The following RUFY2 variants were observed in gnomAD, a reference collection of about 807,000 sequenced individuals.
RUFY2 encodes RUN and FYVE domain-containing protein 2.
In RUFY2, 49 loss-of-function variants were observed where a neutral mutation model predicts 94.4. The ratio of observed to expected loss-of-function variants is 0.52; its 90% CI spans 0.41 to 0.66. RUFY2 has a LOEUF of 0.66. Among genes scored for constraint, RUFY2 ranks in the 30% least tolerant of loss-of-function variants. RUFY2 has a pLI of 0.00. For missense variants in RUFY2, 541 were observed against 692.8 expected, an observed-to-expected ratio of 0.78 and a Z score of 2.46; for synonymous variants, 255 against 235.7, an observed-to-expected ratio of 1.08 and a Z score of -0.75.
chr10:68,372,065 G>A (rs1245128040), intron 13 of RUFY2, among the ~76,000 whole-genome samples: 2 of 152,118 alleles, frequency 1.3e-5, no homozygotes, highest in Non-Finnish European at 2.9e-5. Flanking sequence ...TTTATTTGAG[G>A]CCAGGCATTC....
chr10:68,365,809 C>T (rs1011357561), intron 13 of RUFY2, among the ~76,000 whole-genome samples: 4 of 151,938 alleles, frequency 2.6e-5, no homozygotes, highest in Admixed American at 6.6e-5. Flanking sequence ...ACCGTTGATG[C>T]CATTAAGTGA....
At chr10:68,351,423 A>G (rs796202267) in intron 16 of RUFY2, among the ~76,000 whole-genome samples, 1 of 146,104 alleles carries the variant, frequency 6.8e-6, no homozygotes, top group Non-Finnish European at 1.5e-5. Flanking sequence ...GGCGTGAGCC[A>G]CCACGCCCAA....
chr10:68,345,593 C>A lies in RUFY2; in HGVS notation c.*175G>T. ...TCTGTTGAAAATACATTTTGAAAAA[C>A]AATGGGGAAGGAAATATATAACTTG... On this transcript the variant is annotated 3_prime_UTR_variant, in exon 18 of 18. Coordinates refer to ENST00000602465, the MANE Select transcript of RUFY2 (RefSeq NM_001330103.2). 1 of 530,950 alleles carries A rather than the reference C, an allele frequency of 1.9e-6. No individual in the cohort carries two copies. Among genetic ancestry groups the A allele is most frequent in the Non-Finnish European group, 3.2e-6 (1 of 308,924 alleles). 32.9% of individuals were successfully genotyped at this position (530,950 alleles called of 1,614,324 possible).
At chr10:68,380,097 C>T (rs868775338) in intron 11 of RUFY2, among the ~76,000 whole-genome samples, 4 of 151,192 alleles carry the variant, frequency 2.6e-5, no homozygotes, top group Middle Eastern at 3.5e-3. Context: ...CATGAGCCAC[C>T]GCACACGGCC....
chr10:68,353,330 C>T (rs982021172), intron 16 of RUFY2, among the ~76,000 whole-genome samples: 4 of 132,624 alleles, frequency 3.0e-5, no homozygotes, highest in East Asian at 4.1e-4. Context: ...GACCCTGTCT[C>T]GAAAAAAAAA....
At chr10:68,358,183 T>C (rs140045894) in intron 15 of RUFY2, among the ~76,000 whole-genome samples, 2 of 152,138 alleles carry the variant, frequency 1.3e-5, no homozygotes, top group East Asian at 3.9e-4. Flanking sequence ...GCGAGACTCT[T>C]ATCTCCAAAA....
intron 13 of RUFY2, among the ~76,000 whole-genome samples, chr10:68,373,830 T>C (rs2048433371): frequency 6.6e-6 from 1 of 152,010 alleles, no homozygotes; most frequent in Admixed American, 6.6e-5. Flanking sequence ...TAAGAAACTT[T>C]CGGCTGGGAG....
At chr10:68,372,310 G>A (rs1204815510) in intron 13 of RUFY2, among the ~76,000 whole-genome samples, 1 of 152,074 alleles carries the variant, frequency 6.6e-6, no homozygotes, top group South Asian at 2.1e-4. Flanking sequence ...TGAGGTGAGA[G>A]GATCCCTTGA....
intron 11 of RUFY2, among the ~76,000 whole-genome samples, chr10:68,380,005 T>C (rs1003885406): frequency 1.3e-5 from 2 of 152,130 alleles, no homozygotes; most frequent in Non-Finnish European, 2.9e-5. Context: ...AGACAGGGTT[T>C]CACTGTGTTA....
chr10:68,391,543 G>C (rs2049984959), intron 7 of RUFY2, among the ~76,000 whole-genome samples: 1 of 151,216 alleles, frequency 6.6e-6, no homozygotes, highest in Non-Finnish European at 1.5e-5. Flanking sequence ...AGCTACTTGG[G>C]AGACTGAGGC....
intron 2 of RUFY2, among the ~76,000 whole-genome samples, chr10:68,404,175 A>G (rs911913750): frequency 6.6e-6 from 1 of 152,236 alleles, no homozygotes; most frequent in Non-Finnish European, 1.5e-5. Flanking sequence ...TTCAATATGT[A>G]CTGAGAGTGG....
intron 12 of RUFY2, chr10:68,377,204 A>C: frequency 7.3e-7 from 1 of 1,365,454 alleles, no homozygotes; most frequent in Non-Finnish European, 9.4e-7. Context: ...ACTATCTTCA[A>C]ATTTGTTTTA....
chr10:68,355,406 A>G lies in RUFY2; in HGVS notation c.1551-5T>C. 1.3e-6 allele frequency: 2 copies of G among 1,590,710 alleles called. No homozygotes were observed. The highest frequency in any genetic ancestry group is 8.6e-7 in the Non-Finnish European group (1 of 1,159,356). The stretch of plus-strand genomic sequence containing the variant: ...TCTTCAATTTTAAGTTTTGATCTAA[A>G]AAGATTACAAATAGGTCCAAATTTC... On this transcript the variant is annotated splice_polypyrimidine_tract_variant and splice_region_variant and intron_variant, in intron 15 of 17. Coordinates refer to ENST00000602465, the MANE Select transcript of RUFY2 (RefSeq NM_001330103.2).
At chr10:68,361,542 G>A (rs2047464587) in intron 15 of RUFY2, among the ~76,000 whole-genome samples, 1 of 152,192 alleles carries the variant, frequency 6.6e-6, no homozygotes, top group African/African-American at 2.4e-5. Flanking sequence ...GGCTCAAAGT[G>A]CTCAATAAAT....
At position 68,343,808 on chromosome 10, in the gene RUFY2, T is replaced by TAAAAAAA. The variant is rs755419558; in HGVS notation, c.*1953_*1959dup. ...GCAAGTTGCTGTCATAAAAGCTGCC[T>TAAAAAAA]AAAAAAAAAAAAAAAAAAAAAAAAA... On this transcript the variant is annotated 3_prime_UTR_variant, in exon 18 of 18. Transcript: ENST00000602465. 2.6e-5 allele frequency: 3 copies of TAAAAAAA among 115,678 alleles called. No homozygotes were observed. The highest frequency in any genetic ancestry group is 1.2e-4 in the African/African-American group (3 of 25,392). 7.2% of individuals were successfully genotyped at this position (115,678 alleles called of 1,614,324 possible). A position where few individuals can be genotyped will look rare whatever the true frequency, so the allele number is the denominator to read the frequency against.
Position 68,394,370 on chromosome 10 carries a change from G to A in RUFY2, c.480C>T (p.Ile160=), listed in dbSNP as rs746695037. 5.6e-6 allele frequency: 9 copies of A among 1,613,340 alleles called. No homozygotes were observed. The highest frequency in any genetic ancestry group is 4.5e-5 in the East Asian group (2 of 44,860). Residue 160 remains isoleucine (I), a synonymous_variant, in exon 5 of 18, where the codon ATC becomes ATT. Coordinates refer to ENST00000602465, the MANE Select transcript of RUFY2 (RefSeq NM_001330103.2). The stretch of plus-strand genomic sequence containing the variant: ...CTCCCTTCACACACAGATTAGCATC[G>A]ATCACATTCAGGCCAACCAGCAGCC... The part of the protein sequence containing the change: ...IVGLLVGLNV[I]DANLCVKGED...
chr10:68,379,571 TTGTGTGTGTG>T (rs373005572), intron 11 of RUFY2, 50 bp from the exon 12 acceptor site: 2 of 1,208,344 alleles, frequency 1.7e-6, no homozygotes, highest in East Asian at 2.4e-5. Context: ...GTGTGTGTGT[TTGTGTGTGTG>T]TGTGTGTGCG....
At chr10:68,366,817 A>C (rs2047875344) in intron 13 of RUFY2, among the ~76,000 whole-genome samples, 1 of 133,184 alleles carries the variant, frequency 7.5e-6, no homozygotes, top group Non-Finnish European at 1.6e-5. Flanking sequence ...ATATAATGTT[A>C]TATGGTATAT....
intron 1 of RUFY2, chr10:68,406,904 G>T (rs1162082824): frequency 3.8e-6 from 6 of 1,577,744 alleles, no homozygotes; most frequent in Admixed American, 3.6e-5. Context: ...GTGACACCCT[G>T]CCTGGCCCTG....
Sources: gnomAD v4.1 joint callset for allele counts (sites outside exome capture counted in the v4.1 genomes callset) on GRCh38, gnomAD v4.1.1 for gene constraint, MANE v1.5 for transcripts, NCBI Gene and HGNC (gene_info 2026-07-23, HGNC 2026-07-21) for gene names.